The following NEK10 variants were observed in gnomAD, a reference collection of about 807,000 sequenced individuals.
The protein encoded by NEK10 is serine/threonine-protein kinase Nek10.
Under a neutral mutation model 159.8 loss-of-function variants are expected in NEK10, and 122 were observed. The ratio of observed to expected loss-of-function variants is 0.76; its 90% CI spans 0.66 to 0.89. The LOEUF (loss-of-function observed/expected upper bound fraction) is 0.89, where lower values mean the gene tolerates loss of function less well. Among genes scored for constraint, NEK10 ranks in the 40% least tolerant of loss-of-function variants. NEK10 has a pLI of 0.00. For missense variants in NEK10, 1,342 were observed against 1,323.1 expected (o/e 1.01, Z -0.22); for synonymous variants, 466 against 457.1 (o/e 1.02, Z -0.25).
intron 29 of NEK10, 78 bp downstream of exon 29, chr3:27,171,741 T>A (rs1223169353): frequency 1.4e-6 from 2 of 1,468,092 alleles, no homozygotes; most frequent in Non-Finnish European, 1.9e-6. Context: ...CTTCTGGCTA[T>A]CAGGTTTCAA....
chr3:27,136,779 C>T (rs1332646398), intron 31 of NEK10, among the ~76,000 whole-genome samples: 1 of 152,192 alleles, frequency 6.6e-6, no homozygotes, highest in African/African-American at 2.4e-5. Flanking sequence ...TTTCACTGAT[C>T]TGTCTCCATG....
chr3:27,174,914 T>C (rs1947360919), intron 26 of NEK10, 81 bp from the exon 27 acceptor site: 13 of 1,153,548 alleles, frequency 1.1e-5, no homozygotes, highest in African/African-American at 1.6e-5. Context: ...AGAACATATA[T>C]TAACTGCTTC....
intron 23 of NEK10, chr3:27,255,331 A>T (rs1550768): frequency 0.25 from 105,496 of 413,934 alleles, 14,112 homozygotes; most frequent in Middle Eastern, 0.4. Context: ...TGTAAAACAT[A>T]TCCAGTAAGA....
intron 7 of NEK10, among the ~76,000 whole-genome samples, chr3:27,312,432 A>G (rs2044773025): frequency 6.6e-6 from 1 of 152,262 alleles, no homozygotes; most frequent in African/African-American, 2.4e-5. Flanking sequence ...CAAAAGTCTC[A>G]AAATGACTCT....
At position 27,237,685 on chromosome 3, in the gene NEK10, G is replaced by A. The variant is rs138355690; in HGVS notation, c.2090+18611C>T. ...GAGTGGGGTGAGGAAGGGTGGGAGT[G>A]GGGTGAGACTATATATTGGATAGAG... On this transcript the variant is annotated intron_variant, in intron 23 of 35. Transcript: ENST00000691995. Among the ~76,000 whole-genome samples, 219 of 152,114 alleles carry A rather than the reference G, an allele frequency of 1.4e-3. 1 individual carries two copies. The highest frequency in any genetic ancestry group is 5.2e-3 in the African/African-American group (214 of 41,518).
chr3:27,126,366 C>T (rs1007521375), intron 32 of NEK10, among the ~76,000 whole-genome samples: 1 of 152,144 alleles, frequency 6.6e-6, no homozygotes, highest in Admixed American at 6.6e-5. Flanking sequence ...TATAGAATTA[C>T]AGCATCAGTA....
chr3:27,158,362 T>C (rs1945702838), intron 30 of NEK10, among the ~76,000 whole-genome samples: 1 of 152,182 alleles, frequency 6.6e-6, no homozygotes, highest in Admixed American at 6.5e-5. Flanking sequence ...CTTTGGCAAT[T>C]GTGAAGATGA....
chr3:27,186,037 A>G (rs758099612), intron 26 of NEK10, among the ~76,000 whole-genome samples: 3 of 152,212 alleles, frequency 2.0e-5, no homozygotes, highest in Non-Finnish European at 4.4e-5. Context: ...TGATATGAGG[A>G]GACAGAACAT....
At chr3:27,294,772 G>A (rs1304232748) in intron 15 of NEK10, among the ~76,000 whole-genome samples, 1 of 150,136 alleles carries the variant, frequency 6.7e-6, no homozygotes, top group Non-Finnish European at 1.5e-5. Context: ...TGACTTGGGG[G>A]AAAAAAAAAG....
chr3:27,282,715 A>G (rs1328873473), intron 22 of NEK10, among the ~76,000 whole-genome samples: 1 of 146,446 alleles, frequency 6.8e-6, no homozygotes, highest in Non-Finnish European at 1.5e-5. Context: ...ATATATATAT[A>G]CATAACTGTG....
At chr3:27,237,296 G>C (rs1954037241) in intron 23 of NEK10, among the ~76,000 whole-genome samples, 1 of 152,090 alleles carries the variant, frequency 6.6e-6, no homozygotes, top group Non-Finnish European at 1.5e-5. Context: ...GTGGTCCTGA[G>C]GTGACGTACA....
intron 22 of NEK10, among the ~76,000 whole-genome samples, chr3:27,283,485 C>T (rs112118697): frequency 0.012 from 1,754 of 152,020 alleles, 10 homozygotes; most frequent in South Asian, 0.021. Context: ...GCAGTGTATT[C>T]TCAAAAAATT....
intron 26 of NEK10, among the ~76,000 whole-genome samples, chr3:27,177,554 A>AT (rs1559557460): frequency 1.1e-4 from 15 of 136,972 alleles, no homozygotes; most frequent in Admixed American, 2.2e-4. Context: ...TCAAAAAAAA[A>AT]AATATATATA....
At chr3:27,287,319 A>T (rs2042692891) in intron 20 of NEK10, among the ~76,000 whole-genome samples, 2 of 152,170 alleles carry the variant, frequency 1.3e-5, no homozygotes, top group Non-Finnish European at 2.9e-5. Flanking sequence ...AGCTCTCTCC[A>T]ACTTATTTTG....
intron 30 of NEK10, among the ~76,000 whole-genome samples, chr3:27,157,778 A>T (rs1230630132): frequency 1.3e-5 from 2 of 152,156 alleles, no homozygotes; most frequent in African/African-American, 4.8e-5. Flanking sequence ...GACTGAATTG[A>T]TTGAGCAAAC....
At chr3:27,208,926 C>T (rs547225768) in intron 23 of NEK10, among the ~76,000 whole-genome samples, 2 of 152,262 alleles carry the variant, frequency 1.3e-5, no homozygotes, top group African/African-American at 4.8e-5. Context: ...GATTTGATAC[C>T]TAAACAGCTC....
intron 23 of NEK10, among the ~76,000 whole-genome samples, chr3:27,232,785 A>C (rs1559657925): frequency 6.6e-6 from 1 of 152,104 alleles, no homozygotes; most frequent in Non-Finnish European, 1.5e-5. Flanking sequence ...ATCTTCAACA[A>C]AACAAACAAA....
chr3:27,224,996 G>C (rs923568133), intron 23 of NEK10, among the ~76,000 whole-genome samples: 2 of 152,200 alleles, frequency 1.3e-5, no homozygotes, highest in Admixed American at 1.3e-4. Context: ...TAGAAGGACA[G>C]AGATAATGGA....
At chr3:27,304,492 C>T (rs946161967) in intron 12 of NEK10, among the ~76,000 whole-genome samples, 2 of 152,094 alleles carry the variant, frequency 1.3e-5, no homozygotes, top group African/African-American at 4.8e-5. Context: ...CTTCTACATT[C>T]CCAGCACTGT....
Sources: gnomAD v4.1 joint callset for allele counts (sites outside exome capture counted in the v4.1 genomes callset) on GRCh38, gnomAD v4.1.1 for gene constraint, MANE v1.5 for transcripts, NCBI Gene and HGNC (gene_info 2026-07-23, HGNC 2026-07-21) for gene names.